SNX9: variants seen among roughly 807,000 people sequenced by gnomAD.
SNX9 encodes the protein sorting nexin-9.
SNX9 carries 44 observed loss-of-function variants against 89.4 expected under a neutral mutation model. That is an observed-to-expected ratio of 0.49 (90% confidence interval 0.39 to 0.63). The LOEUF is 0.63. Among genes scored for constraint, SNX9 ranks in the 30% least tolerant of loss-of-function variants. The probability of loss-of-function intolerance (pLI) is 0.00; values close to 1 mark genes in which losing one functional copy is unlikely to be tolerated. For synonymous variants in SNX9, 236 were observed against 247.8 expected (o/e 0.95, Z 0.45); for missense variants, 578 against 736.1 (o/e 0.79, Z 2.49).
chr6:157,835,355 A>T (rs955935272), intron 1 of SNX9, among the ~76,000 whole-genome samples: 1 of 151,966 alleles, frequency 6.6e-6, no homozygotes, highest in South Asian at 2.1e-4. Context: ...ATTAGAGTTC[A>T]ATTACTATAT....
At chr6:157,897,099 A>G (rs1425766033) in intron 5 of SNX9, 101 bp downstream of exon 5, 1 of 1,189,712 alleles carries the variant, frequency 8.4e-7, no homozygotes, top group African/African-American at 1.5e-5. Context: ...TCAGCACAAC[A>G]CAGAACAGTT....
intron 9 of SNX9, among the ~76,000 whole-genome samples, chr6:157,910,353 A>G (rs1011401779): frequency 6.6e-6 from 1 of 152,246 alleles, no homozygotes; most frequent in Non-Finnish European, 1.5e-5. Context: ...GACACCTGAA[A>G]AAATAGAAAT....
chr6:157,932,083 T>C, intron 12 of SNX9, 112 bp from the exon 13 acceptor site: 1 of 839,604 alleles, frequency 1.2e-6, no homozygotes, highest in South Asian at 1.5e-5. Context: ...TGAAGGAATA[T>C]ATAGACTATT....
chr6:157,929,400 G>T (rs964606378), intron 12 of SNX9, among the ~76,000 whole-genome samples: 9 of 152,324 alleles, frequency 5.9e-5, no homozygotes, highest in Admixed American at 6.5e-5. Context: ...AGAGTGACTT[G>T]TCAGGCCCTG....
At chr6:157,888,059 T>TTGACCTTTGCTCC (rs112145320) in intron 4 of SNX9, among the ~76,000 whole-genome samples, 6 of 152,180 alleles carry the variant, frequency 3.9e-5, no homozygotes, top group African/African-American at 1.4e-4. Flanking sequence ...CCGGGAGACA[T>TTGACCTTTGCTCC]TGTGTTCACA....
chr6:157,877,603 C>T (rs1782544914), intron 4 of SNX9, among the ~76,000 whole-genome samples: 1 of 152,158 alleles, frequency 6.6e-6, no homozygotes, highest in South Asian at 2.1e-4. Context: ...CTTTCATTTT[C>T]TGAATGCGGG....
chr6:157,883,660 C>G (rs1026197354), intron 4 of SNX9, among the ~76,000 whole-genome samples: 1 of 152,190 alleles, frequency 6.6e-6, no homozygotes, highest in African/African-American at 2.4e-5. Context: ...TGATGATTCT[C>G]CAAATATGTC....
At chr6:157,910,620 G>A (rs1783319785) in intron 9 of SNX9, among the ~76,000 whole-genome samples, 1 of 151,956 alleles carries the variant, frequency 6.6e-6, no homozygotes, top group Admixed American at 6.6e-5. Flanking sequence ...TGTTTTTTAA[G>A]TGCCACATTC....
At chr6:157,920,671 A>G (rs1783565639) in intron 9 of SNX9, among the ~76,000 whole-genome samples, 1 of 152,170 alleles carries the variant, frequency 6.6e-6, no homozygotes, top group African/African-American at 2.4e-5. Context: ...ACTGTTGTCT[A>G]GCTTTATAGT....
chr6:157,939,488 G>A (rs1445214752), intron 16 of SNX9, among the ~76,000 whole-genome samples: 1 of 152,202 alleles, frequency 6.6e-6, no homozygotes, highest in African/African-American at 2.4e-5. Context: ...ATTGGAAGAT[G>A]CAGACACTGT....
At chr6:157,880,888 C>A (rs1270226110) in intron 4 of SNX9, among the ~76,000 whole-genome samples, 5 of 152,190 alleles carry the variant, frequency 3.3e-5, no homozygotes. Flanking sequence ...TGTAAAACCT[C>A]ATGGGATTTT....
chr6:157,836,044 G>A (rs1340141416), intron 1 of SNX9, among the ~76,000 whole-genome samples: 1 of 152,124 alleles, frequency 6.6e-6, no homozygotes, highest in African/African-American at 2.4e-5. Context: ...CAATCCTTCT[G>A]CCTCAGCCTC....
At chr6:157,927,917 A>G (rs1783729260) in intron 11 of SNX9, among the ~76,000 whole-genome samples, 1 of 145,858 alleles carries the variant, frequency 6.9e-6, no homozygotes. Flanking sequence ...TGTTACCAAA[A>G]GTATAGACAA....
chr6:157,858,342 G>C (rs566654122), intron 1 of SNX9, among the ~76,000 whole-genome samples: 2 of 151,570 alleles, frequency 1.3e-5, no homozygotes, highest in Non-Finnish European at 2.9e-5. Context: ...CACCACCCGG[G>C]TTCAAGTGAT....
intron 1 of SNX9, among the ~76,000 whole-genome samples, chr6:157,844,600 G>GTTTTGTTTTTTTTTTT (rs1781767520): frequency 7.6e-6 from 1 of 131,806 alleles, no homozygotes; most frequent in African/African-American, 2.8e-5. Flanking sequence ...TTTTTTTTTT[G>GTTTTGTTTTTTTTTTT]TTTTTTTTTT....
At chr6:157,937,127 G>A (rs958856266) in intron 14 of SNX9, among the ~76,000 whole-genome samples, 2 of 152,182 alleles carry the variant, frequency 1.3e-5, no homozygotes, top group African/African-American at 4.8e-5. Flanking sequence ...TCATTTGTTT[G>A]TGTGTAAACA....
intron 4 of SNX9, among the ~76,000 whole-genome samples, chr6:157,895,832 C>G (rs1232145961): frequency 6.6e-6 from 1 of 152,152 alleles, no homozygotes. Flanking sequence ...AATGGAGTTC[C>G]TTGTGCTAGA....
At position 157,869,171 on chromosome 6, in the gene SNX9, G is replaced by A. The variant is rs139974183; in HGVS notation, c.99+1538G>A. On this transcript the variant is annotated intron_variant, in intron 2 of 17. Transcript: ENST00000392185. ...CACACACCTCTCCCCGGCCTCACTG[G>A]CTGTCCTCTTGTGTCCCTCCCCTCT... 6.0e-3 allele frequency among the ~76,000 whole-genome samples: 914 copies of A among 152,286 alleles called. 6 individuals are homozygous for A. Among genetic ancestry groups the A allele is most frequent in the African/African-American group, 0.02 (834 of 41,554 alleles).
chr6:157,904,661 G>C (rs952684557), intron 6 of SNX9, among the ~76,000 whole-genome samples: 7 of 152,082 alleles, frequency 4.6e-5, no homozygotes, highest in Admixed American at 3.9e-4. Flanking sequence ...AGTGAGCCGA[G>C]ATCGCGCCAC....
Sources: allele counts gnomAD v4.1 joint callset (sites outside exome capture counted in the v4.1 genomes callset), GRCh38; gene constraint gnomAD v4.1.1; transcripts MANE v1.5; gene names NCBI Gene and HGNC (gene_info 2026-07-23, HGNC 2026-07-21).